The following NIN variants were observed in gnomAD, a reference collection of about 807,000 sequenced individuals.
NIN encodes glycogen synthase kinase 3 beta-interacting protein.
NIN carries 137 observed loss-of-function variants against 257.6 expected under a neutral mutation model. That is an observed-to-expected ratio of 0.53 (90% confidence interval 0.46 to 0.61). NIN has a LOEUF of 0.61. Among genes scored for constraint, NIN ranks in the 20% least tolerant of loss-of-function variants. The pLI, the probability that NIN is intolerant of heterozygous loss-of-function variation, is 0.00. For synonymous variants in NIN, 918 were observed against 919.8 expected (o/e 1.00, Z 0.04); for missense variants, 2,439 against 2,501.2 (o/e 0.98, Z 0.53).
intron 4 of NIN, among the ~76,000 whole-genome samples, chr14:50,794,816 T>C (rs1024260448): frequency 2.6e-5 from 4 of 151,500 alleles, no homozygotes; most frequent in Non-Finnish European, 4.4e-5. Context: ...TAAAAATCCA[T>C]TGTGATCTAA....
In NIN at chr14:50,744,438, G is replaced by A; in HGVS notation, c.5065-73C>T. 2.6e-6 allele frequency: 4 copies of A among 1,513,192 alleles called. No individual in the cohort carries two copies. The Admixed American group carries it at 5.7e-5, about 22-fold the overall frequency. 93.7% of individuals were successfully genotyped at this position (1,513,192 alleles called of 1,614,324 possible). ...AAGTACAAAGGGGTATTTCTAAATA[G>A]GGCATTTTCACAGCTGCTGCTATTT... On this transcript the variant is annotated intron_variant, in intron 22 of 30. Coordinates refer to ENST00000530997, the MANE Select transcript of NIN (RefSeq NM_020921.4).
chr14:50,731,810 G>A lies in NIN; in HGVS notation c.5878-2087C>T, dbSNP rs537959954. 1.6e-4 allele frequency among the ~76,000 whole-genome samples: 25 copies of A among 152,288 alleles called. 1 individual carries two copies. The South Asian group carries it at 5.0e-3, about 30-fold the overall frequency. On this transcript the variant is annotated intron_variant, in intron 28 of 30. Coordinates refer to ENST00000530997, the MANE Select transcript of NIN (RefSeq NM_020921.4). ...CACTGCATTCCCACTTGGTGACAGA[G>A]CGAGACTCCGTTTAAAAATAAATAA...
In NIN at chr14:50,757,065, T is replaced by C; in HGVS notation, c.3965A>G (p.Asn1322Ser). ...GCCTTGAAGTCTCAAAACCAGAACATTCAGCCCCTCATTTTCTATTTTGAC... is the reference window on the plus strand; with the variant it reads ...GCCTTGAAGTCTCAAAACCAGAACACTCAGCCCCTCATTTTCTATTTTGAC... ...DEVKIENEGL[N>S]VLVLRLQGKI... Residue 1322 changes from asparagine to serine, a missense_variant, in exon 18 of 31, where the codon AAT becomes AGT. This residue lies in a region of NIN where 2,043 missense variants were observed against 2,050.2 expected (regional missense o/e 1.00). Coordinates refer to ENST00000530997, the MANE Select transcript of NIN (RefSeq NM_020921.4). The C allele has an allele frequency of 1.2e-6, 2 of 1,613,830 alleles. No homozygotes were observed. Among genetic ancestry groups the C allele is most frequent in the Non-Finnish European group, 1.7e-6 (2 of 1,179,908 alleles).
intron 6 of NIN, 64 bp downstream of exon 6, chr14:50,778,701 C>G (rs946457996): frequency 7.1e-7 from 1 of 1,413,914 alleles, no homozygotes; most frequent in Non-Finnish European, 1.0e-6. Flanking sequence ...TCAGAAAGAC[C>G]GGGTGTGGAG....
rs139059875 is a variant in NIN, at chr14:50,757,543, C to G, written c.3487G>C (p.Val1163Leu). The G allele has an allele frequency of 1.5e-3, 2,395 of 1,614,116 alleles. 5 individuals are homozygous for G. Among genetic ancestry groups the G allele is most frequent in the Non-Finnish European group, 1.9e-3 (2,258 of 1,180,026 alleles). Residue 1163 changes from valine (V) to leucine (L), a missense_variant, in exon 18 of 31, where the codon GTT becomes CTT. Val to Leu is a conservative substitution (Grantham distance 32, BLOSUM62 1). This residue lies in a region of NIN where 2,043 missense variants were observed against 2,050.2 expected (regional missense o/e 1.00). Coordinates refer to ENST00000530997, the MANE Select transcript of NIN (RefSeq NM_020921.4). ...TCTATTTTGACTTCCTGTCTCTGAA[C>G]AGAGCTCGTCCCTGTACTTCCCAGG... ...RDLGSTGTSSVQRQEVKIEES... is the reference protein window; with the variant it reads ...RDLGSTGTSSLQRQEVKIEES...
intron 7 of NIN, among the ~76,000 whole-genome samples, chr14:50,775,558 A>C (rs56934909): frequency 0.012 from 1,841 of 152,296 alleles, 36 homozygotes; most frequent in African/African-American, 0.041. Context: ...ATAGAATTTC[A>C]CTATTTTTCT....
intron 23 of NIN, among the ~76,000 whole-genome samples, chr14:50,743,966 T>C (rs1359354661): frequency 6.6e-6 from 1 of 152,238 alleles, no homozygotes; most frequent in East Asian, 1.9e-4. Context: ...ACATAATTTA[T>C]ATTATAACAA....
intron 18 of NIN, among the ~76,000 whole-genome samples, chr14:50,755,907 T>C (rs1427588343): frequency 1.3e-5 from 2 of 152,120 alleles, no homozygotes; most frequent in Admixed American, 1.3e-4. Context: ...CCTCAAGAAA[T>C]CCTCTTGCCT....
Position 50,757,340 on chromosome 14 carries a change from C to T in NIN, c.3690G>A (p.Val1230=), listed in dbSNP as rs751816750. The T allele has an allele frequency of 2.0e-4, 322 of 1,613,598 alleles. 2 individuals carry two copies. Among genetic ancestry groups the T allele is most frequent in the Non-Finnish European group, 2.7e-4 (313 of 1,179,916 alleles). ...KKQDLLFDVS[V]LKKKLKMLER... is the part of the protein sequence containing the mutation. Reference sequence around the variant, plus strand: ...CAAGCATCTTCAGTTTCTTTTTTAGCACAGAAACATCAAAAAGTAGGTCCT... The same window carrying T: ...CAAGCATCTTCAGTTTCTTTTTTAGTACAGAAACATCAAAAAGTAGGTCCT... The change falls in exon 18 of 31, where the codon GTG becomes GTA. Residue 1230 remains valine, a synonymous_variant. Coordinates refer to ENST00000530997, the MANE Select transcript of NIN (RefSeq NM_020921.4).
chr14:50,747,471 C>T (rs1017130915), intron 22 of NIN, among the ~76,000 whole-genome samples: 2 of 152,154 alleles, frequency 1.3e-5, no homozygotes, highest in South Asian at 2.1e-4. Context: ...CAGTGGCCCG[C>T]GCCTGTAATC....
At chr14:50,790,022 G>A (rs1043830930) in intron 5 of NIN, among the ~76,000 whole-genome samples, 1 of 152,142 alleles carries the variant, frequency 6.6e-6, no homozygotes, top group Non-Finnish European at 1.5e-5. Context: ...TTTTTTAACC[G>A]CCAACAGGAA....
chr14:50,829,335 C>T (rs2045597712), intron 2 of NIN, among the ~76,000 whole-genome samples: 1 of 152,114 alleles, frequency 6.6e-6, no homozygotes, highest in South Asian at 2.1e-4. Context: ...ATGCTCACCA[C>T]GAGAGAAGAC....
At chr14:50,755,962 C>G (rs1473792733) in intron 18 of NIN, among the ~76,000 whole-genome samples, 1 of 152,050 alleles carries the variant, frequency 6.6e-6, no homozygotes, top group African/African-American at 2.4e-5. Context: ...AGCCATGGTG[C>G]CTGACCATTT....
intron 3 of NIN, 72 bp from the exon 4 acceptor site, chr14:50,806,890 C>A: frequency 2.9e-6 from 2 of 700,868 alleles, no homozygotes; most frequent in Non-Finnish European, 2.3e-6. Flanking sequence ...TACAAGGTAC[C>A]AAAACTGTTT....
In NIN at chr14:50,726,003, T is replaced by G. The variant is rs1350395758; in HGVS notation, c.6142A>C (p.Lys2048Gln). 1.9e-6 allele frequency: 3 copies of G among 1,614,044 alleles called. No individual in the cohort carries two copies. The highest frequency in any genetic ancestry group is 1.3e-5 in the African/African-American group (1 of 74,934). The change falls in exon 30 of 31, where the codon AAA becomes CAA. Residue 2048 changes from lysine to glutamine, a missense_variant. Transcript: ENST00000530997. Reference sequence around the variant, plus strand: ...TCTTGAAGAAGCCTTTTCACTAGTTTCAGTTTCTGTTCAACTTCTATCATT... The same window carrying G: ...TCTTGAAGAAGCCTTTTCACTAGTTGCAGTTTCTGTTCAACTTCTATCATT... ...ERMIEVEQKLKLVKRLLQEKV... is the reference protein window; with the variant it reads ...ERMIEVEQKLQLVKRLLQEKV...
At chr14:50,733,306 T>A (rs2040812798) in intron 28 of NIN, among the ~76,000 whole-genome samples, 1 of 152,184 alleles carries the variant, frequency 6.6e-6, no homozygotes, top group Non-Finnish European at 1.5e-5. Flanking sequence ...TTGGTCACGC[T>A]GGTCTCGAAC....
Position 50,756,571 on chromosome 14 carries a change from T to C in NIN, c.4459A>G (p.Lys1487Glu), listed in dbSNP as rs139458897. ...ATCATTGCCTTCAGCTCTTCCTCCT[T>C]TTCTCCGTGAGAAAGTACATCTTTT... ...KQKDVLSHGE[K>E]EEELKAMMHD... Residue 1487 changes from lysine (K) to glutamate (E), a missense_variant, in exon 18 of 31, where the codon AAG becomes GAG. Around this residue, in one of 3 missense-constraint regions of NIN, gnomAD observed 2,043 missense variants for 2,050.2 expected, o/e 1.00. Transcript: ENST00000530997. The C allele has an allele frequency of 4.4e-5, 71 of 1,612,366 alleles. 1 individual carries two copies. Among genetic ancestry groups the C allele is most frequent in the Middle Eastern group, 1.6e-4 (1 of 6,084 alleles).
At chr14:50,779,551 G>C (rs2043046220) in intron 5 of NIN, among the ~76,000 whole-genome samples, 1 of 152,172 alleles carries the variant, frequency 6.6e-6, no homozygotes, top group South Asian at 2.1e-4. Flanking sequence ...GAGGTCAGGA[G>C]ATCGAGACCA....
chr14:50,815,142 T>C (rs913307346), intron 3 of NIN, among the ~76,000 whole-genome samples: 1 of 152,158 alleles, frequency 6.6e-6, no homozygotes, highest in Non-Finnish European at 1.5e-5. Flanking sequence ...AATCTATCCA[T>C]CTGACAAAGG....
Sources: gnomAD v4.1 joint callset for allele counts (sites outside exome capture counted in the v4.1 genomes callset) on GRCh38, gnomAD v4.1.1 for gene constraint, gnomAD v4.1.1 regional missense constraint, MANE v1.5 for transcripts, NCBI Gene and HGNC (gene_info 2026-07-23, HGNC 2026-07-21) for gene names.